Variants in ZNF462 observed in about 807,000 individuals in gnomAD.
The protein encoded by ZNF462 is zinc finger protein 462.
A neutral mutation model predicts 201.9 loss-of-function variants in ZNF462; 10 were observed. The observed-to-expected ratio is 0.05, with a 90% CI of 0.03 to 0.08. ZNF462 has a LOEUF of 0.08. Among genes scored for constraint, ZNF462 ranks in the 10% least tolerant of loss-of-function variants. ZNF462 has a pLI of 1.00. For synonymous variants in ZNF462, 1,227 were observed against 1,193.3 expected (o/e 1.03, Z -0.58); for missense variants, 2,523 against 3,168.3 (o/e 0.80, Z 4.89).
Position 107,008,044 on chromosome 9 carries a change from C to G in ZNF462, c.7190-1501C>G, listed in dbSNP as rs1469449043. On this transcript the variant is annotated intron_variant, in intron 11 of 12. Coordinates refer to ENST00000277225, the MANE Select transcript of ZNF462 (RefSeq NM_021224.6). The surrounding 1 kb of genome is among the most constrained non-coding windows in gnomAD (Gnocchi z 4.8). ...TGCCGGACTGAATATGGACACGCTG[C>G]AGGTCCTGCCTAGGAAGCTCAGGGA... Among the ~76,000 whole-genome samples the G allele has an allele frequency of 6.6e-6, 1 of 152,070 alleles. No individual in the cohort carries two copies. Among genetic ancestry groups the G allele is most frequent in the East Asian group, 1.9e-4 (1 of 5,176 alleles).
chr9:107,013,425 A>T lies in ZNF462; in HGVS notation c.*2395A>T, dbSNP rs987372810. ...CATTTTTTTCAGAGCTTGAGAGAAG[A>T]AAATAAATAGCAAAATGATAACCTA... On this transcript the variant is annotated 3_prime_UTR_variant, in exon 13 of 13. Transcript: ENST00000277225. 6.6e-6 allele frequency: 1 copy of T among 152,198 alleles called. No individual in the cohort carries two copies. The highest frequency in any genetic ancestry group is 2.4e-5 in the African/African-American group (1 of 41,462). 9.4% of individuals were successfully genotyped at this position (152,198 alleles called of 1,614,324 possible). A position where few individuals can be genotyped will look rare whatever the true frequency, so the allele number is the denominator to read the frequency against.
At chr9:106,997,761 C>T (rs1156367734) in intron 10 of ZNF462, among the ~76,000 whole-genome samples, 1 of 152,066 alleles carries the variant, frequency 6.6e-6, no homozygotes, top group African/African-American at 2.4e-5. Context: ...CCACTTGGTA[C>T]GTTAGGGGTT....
Position 106,949,264 on chromosome 9 carries a change from T to C in ZNF462, c.6427+10157T>C, listed in dbSNP as rs571137017. Among the ~76,000 whole-genome samples the C allele has an allele frequency of 1.2e-4, 18 of 152,354 alleles. No homozygotes were observed. The East Asian group carries it at 3.5e-3, about 29-fold the overall frequency. On this transcript the variant is annotated intron_variant, in intron 7 of 12. Coordinates refer to ENST00000277225, the MANE Select transcript of ZNF462 (RefSeq NM_021224.6). Reference sequence around the variant, plus strand: ...GTGTGCTCTCCGAGGTCAGGGACCATTTCCTATTCATTTCTAGAGCCCTAG... The same window carrying C: ...GTGTGCTCTCCGAGGTCAGGGACCACTTCCTATTCATTTCTAGAGCCCTAG...
chr9:107,002,560 G>T (rs1348770634), intron 10 of ZNF462, among the ~76,000 whole-genome samples: 5 of 149,668 alleles, frequency 3.3e-5, no homozygotes, highest in Admixed American at 1.3e-4. Flanking sequence ...CCCCTCCAAT[G>T]ATACTTTGAA....
intron 10 of ZNF462, among the ~76,000 whole-genome samples, chr9:106,990,441 C>T (rs1248862002): frequency 1.3e-5 from 2 of 151,896 alleles, no homozygotes; most frequent in Admixed American, 1.3e-4. Context: ...CCCATTTTTT[C>T]CAAGGTATAG....
chr9:106,924,894 A>T lies in ZNF462; in HGVS notation c.982A>T (p.Ile328Phe). 1 of 1,614,208 alleles carries T rather than the reference A, an allele frequency of 6.2e-7. No homozygotes were observed. The highest frequency in any genetic ancestry group is 8.5e-7 in the Non-Finnish European group (1 of 1,180,048). ...SNFRGSMGNS[I>F]MRPNSSASKF... ...CTTCAGGGGCTCCATGGGCAACTCC[A>T]TCATGAGACCCAATTCTTCAGCTTC... Residue 328 changes from isoleucine to phenylalanine, a missense_variant, in exon 3 of 13, where the codon ATC becomes TTC. Ile to Phe is a conservative substitution (Grantham distance 21). Coordinates refer to ENST00000277225, the MANE Select transcript of ZNF462 (RefSeq NM_021224.6). The surrounding 1 kb of genome is among the most constrained non-coding windows in gnomAD (Gnocchi z 6.2).
chr9:106,975,050 A>G (rs1181357312), intron 9 of ZNF462: 1 of 152,198 alleles, frequency 6.6e-6, no homozygotes, highest in Non-Finnish European at 1.5e-5. Context: ...ACACTGTTAA[A>G]CAACAGCCTT....
At chr9:106,980,277 C>T (rs549805324) in intron 9 of ZNF462, among the ~76,000 whole-genome samples, 9 of 152,290 alleles carry the variant, frequency 5.9e-5, no homozygotes, top group Non-Finnish European at 1.0e-4. Context: ...TTATTTTCTT[C>T]ATAGCTTTCT....
intron 1 of ZNF462, among the ~76,000 whole-genome samples, chr9:106,922,335 TTGA>T (rs1354435461): frequency 6.6e-6 from 1 of 152,198 alleles, no homozygotes; most frequent in African/African-American, 2.4e-5. Flanking sequence ...TTTTGACTTC[TTGA>T]TGGTGGGACT....
In ZNF462 at chr9:106,880,071, A is replaced by G. The variant is rs1461898701; in HGVS notation, c.-31+16716A>G. ...ACTGTGTTCTATATGCATTCAAGGC[A>G]TGGAGTATTCCAGAGCTTTCCTAGG... is the stretch of plus-strand genomic sequence containing the variant. On this transcript the variant is annotated intron_variant, in intron 1 of 12. Coordinates refer to ENST00000277225, the MANE Select transcript of ZNF462 (RefSeq NM_021224.6). The surrounding 1 kb of genome is among the most constrained non-coding windows in gnomAD (Gnocchi z 4.1). Among the ~76,000 whole-genome samples, 4 of 152,170 alleles carry G rather than the reference A, an allele frequency of 2.6e-5. No individual in the cohort carries two copies. Among genetic ancestry groups the G allele is most frequent in the Non-Finnish European group, 4.4e-5 (3 of 68,040 alleles).
intron 10 of ZNF462, among the ~76,000 whole-genome samples, chr9:106,985,610 T>C (rs945636382): frequency 2.6e-5 from 4 of 152,194 alleles, no homozygotes; most frequent in African/African-American, 7.2e-5. Context: ...GTCCAAAATA[T>C]CTATTGAGTA....
chr9:106,994,771 A>G (rs1268208365), intron 10 of ZNF462, among the ~76,000 whole-genome samples: 1 of 152,132 alleles, frequency 6.6e-6, no homozygotes, highest in Non-Finnish European at 1.5e-5. Context: ...TATTTCTCAA[A>G]TAGACATTTG....
At chr9:106,992,241 G>A (rs963306395) in intron 10 of ZNF462, among the ~76,000 whole-genome samples, 1 of 151,980 alleles carries the variant, frequency 6.6e-6, no homozygotes, top group Non-Finnish European at 1.5e-5. Context: ...ATGAAAAAAT[G>A]TTCAGCTTGA....
At chr9:106,881,344 G>A (rs988533816) in intron 1 of ZNF462, among the ~76,000 whole-genome samples, 3 of 152,138 alleles carry the variant, frequency 2.0e-5, no homozygotes, top group African/African-American at 7.2e-5. Context: ...TGAGGACCTT[G>A]GTGGTGAGGG....
rs1419440713 is a variant in ZNF462 at position 106,925,467 on chromosome 9, T to G, written c.1555T>G (p.Ser519Ala). ...TTCCTCACTGAATGAAGGTGTGGTG[T>G]CTTATGAGAGCTCAAGCATCAATGG... Reference protein sequence around the residue: ...ISSSLNEGVVSYESSSINGRK... With the variant: ...ISSSLNEGVVAYESSSINGRK... The change falls in exon 3 of 13, where the codon TCT becomes GCT. Residue 519 changes from serine to alanine, a missense_variant. Physicochemically the swap from Ser to Ala is moderately conservative, Grantham distance 99 (BLOSUM62 1). Around this residue, in one of 15 missense-constraint regions of ZNF462, gnomAD observed 383 missense variants for 453.4 expected, o/e 0.84. Coordinates refer to ENST00000277225, the MANE Select transcript of ZNF462 (RefSeq NM_021224.6). This position sits in a 1 kb window ranked among gnomAD's most constrained non-coding sequence, Gnocchi z 7.9. The G allele has an allele frequency of 6.2e-7, 1 of 1,614,096 alleles. No individual in the cohort carries two copies. The highest frequency in any genetic ancestry group is 1.1e-5 in the South Asian group (1 of 91,066).
At position 106,968,835 on chromosome 9, in the gene ZNF462, A is replaced by G. The variant is rs1318038095; in HGVS notation, c.6428-3170A>G. Among the ~76,000 whole-genome samples, 2 of 152,180 alleles carry G rather than the reference A, an allele frequency of 1.3e-5. No homozygotes were observed. The highest frequency in any genetic ancestry group is 2.9e-5 in the Non-Finnish European group (2 of 68,014). On this transcript the variant is annotated intron_variant, in intron 7 of 12. Coordinates refer to ENST00000277225, the MANE Select transcript of ZNF462 (RefSeq NM_021224.6). This position sits in a 1 kb window ranked among gnomAD's most constrained non-coding sequence, Gnocchi z 4.0. ...GCTCAAAATGAAAGAAAATAGTCTT[A>G]ATGATGATTTTTAACTTATGTGACA...
chr9:107,009,420 G>A lies in ZNF462; in HGVS notation c.7190-125G>A. 7.7e-7 allele frequency: 1 copy of A among 1,305,238 alleles called. No individual in the cohort carries two copies. The highest frequency in any genetic ancestry group is 1.0e-6 in the Non-Finnish European group (1 of 954,922). 80.9% of individuals were successfully genotyped at this position (1,305,238 alleles called of 1,614,324 possible). On this transcript the variant is annotated intron_variant, in intron 11 of 12. Transcript: ENST00000277225. This position sits in a 1 kb window ranked among gnomAD's most constrained non-coding sequence, Gnocchi z 6.1. ...AACCTAAGAAAAAGTGAGGAATCTG[G>A]AAATTGCTTTCACCACATGGCTTTA...
chr9:106,969,891 G>A (rs1366176756), intron 7 of ZNF462, among the ~76,000 whole-genome samples: 1 of 152,152 alleles, frequency 6.6e-6, no homozygotes, highest in Non-Finnish European at 1.5e-5. Flanking sequence ...AGCTATCTGG[G>A]GATCCTGGCT....
chr9:106,878,751 A>G (rs1279540956), intron 1 of ZNF462, among the ~76,000 whole-genome samples: 3 of 152,300 alleles, frequency 2.0e-5, no homozygotes, highest in East Asian at 3.9e-4. Context: ...ATTCATTTCT[A>G]CGTCTTTGTG....
Sources: gnomAD v4.1 joint callset for allele counts (sites outside exome capture counted in the v4.1 genomes callset) on GRCh38, gnomAD v4.1.1 for gene constraint, gnomAD v4.1.1 regional missense constraint, Gnocchi (gnomAD v3.1) non-coding constraint, MANE v1.5 for transcripts, NCBI Gene and HGNC (gene_info 2026-07-23, HGNC 2026-07-21) for gene names.